RGS7: variants seen among roughly 807,000 people sequenced by gnomAD.
The protein encoded by RGS7 is regulator of G-protein signaling 7.
A neutral mutation model predicts 81.1 loss-of-function variants in RGS7; 27 were observed. The observed-to-expected ratio is 0.33, with a 90% CI of 0.25 to 0.46. RGS7 has a LOEUF of 0.46. RGS7 is among the 20% of genes least tolerant of loss of function. RGS7 has a pLI of 1.00. For synonymous variants in RGS7, 208 were observed against 207.7 expected, an observed-to-expected ratio of 1.00 and a Z score of -0.01; for missense variants, 396 against 607.4, an observed-to-expected ratio of 0.65 and a Z score of 3.66.
intron 3 of RGS7, among the ~76,000 whole-genome samples, chr1:241,055,427 A>G (rs189506346): frequency 1.3e-3 from 200 of 152,256 alleles, no homozygotes; most frequent in Non-Finnish European, 5.1e-4. Context: ...ATGGTCATTC[A>G]TTATTATAAA....
At chr1:241,314,957 T>C (rs2080774782) in intron 2 of RGS7, among the ~76,000 whole-genome samples, 1 of 152,014 alleles carries the variant, frequency 6.6e-6, no homozygotes, top group Admixed American at 6.6e-5. Context: ...TGGTTTAAAG[T>C]GAGTAGAGTC....
intron 9 of RGS7, among the ~76,000 whole-genome samples, chr1:240,866,955 CA>C (rs933875020): frequency 1.3e-5 from 2 of 152,028 alleles, no homozygotes; most frequent in African/African-American, 4.8e-5. Flanking sequence ...GTCCAGGGGA[CA>C]AAGTGGATAA....
chr1:241,202,258 C>T (rs1319655855), intron 2 of RGS7, among the ~76,000 whole-genome samples: 1 of 152,158 alleles, frequency 6.6e-6, no homozygotes, highest in Non-Finnish European at 1.5e-5. Context: ...GTAGCATTTA[C>T]TAGTCCAGAA....
chr1:241,130,168 T>G (rs7548582), intron 2 of RGS7, among the ~76,000 whole-genome samples: 17,784 of 151,946 alleles, frequency 0.12, 3,429 homozygotes, highest in African/African-American at 0.4. Flanking sequence ...TGGCTAACTT[T>G]AAAAAGGAGA....
At chr1:240,961,992 T>A (rs965026844) in intron 4 of RGS7, among the ~76,000 whole-genome samples, 2 of 152,080 alleles carry the variant, frequency 1.3e-5, no homozygotes, top group African/African-American at 4.8e-5. Context: ...GCCCTTAATT[T>A]TGCTACCTTC....
chr1:241,166,652 T>G (rs1227686523), intron 2 of RGS7, among the ~76,000 whole-genome samples: 1 of 152,196 alleles, frequency 6.6e-6, no homozygotes, highest in African/African-American at 2.4e-5. Context: ...AAGACTGTAC[T>G]ATCCAATAAA....
intron 14 of RGS7, among the ~76,000 whole-genome samples, chr1:240,807,957 C>A (rs1216172295): frequency 2.0e-5 from 3 of 151,322 alleles, no homozygotes; most frequent in South Asian, 2.1e-4. Flanking sequence ...ATCGCTTGAA[C>A]CCGGAAAGTG....
intron 2 of RGS7, among the ~76,000 whole-genome samples, chr1:241,342,523 T>C (rs915813269): frequency 3.9e-5 from 6 of 152,218 alleles, no homozygotes; most frequent in African/African-American, 1.4e-4. Flanking sequence ...CCTCAGCGGA[T>C]AGTGAGCTAA....
intron 2 of RGS7, among the ~76,000 whole-genome samples, chr1:241,238,966 CTT>C (rs66468032): frequency 4.8e-4 from 51 of 106,626 alleles, no homozygotes; most frequent in Admixed American, 1.3e-3. Context: ...GCCTCTCTCT[CTT>C]TTTTTTTTTT....
At chr1:240,870,236 C>G in intron 6 of RGS7, 117 bp from the exon 7 acceptor site, 4 of 846,818 alleles carry the variant, frequency 4.7e-6, no homozygotes, top group Non-Finnish European at 7.9e-6. Flanking sequence ...AATTTTTGAT[C>G]ATTTTCTTAG....
chr1:241,043,527 C>A (rs12060948), intron 3 of RGS7, among the ~76,000 whole-genome samples: 2 of 147,286 alleles, frequency 1.4e-5, no homozygotes, highest in Non-Finnish European at 3.0e-5. Context: ...GATATTAATA[C>A]ATATATAGAT....
chr1:240,995,701 G>A (rs925495205), intron 3 of RGS7, among the ~76,000 whole-genome samples: 2 of 101,596 alleles, frequency 2.0e-5, no homozygotes, highest in East Asian at 6.0e-4. Flanking sequence ...GGCAATTTGT[G>A]TCTTTTCTTT....
At chr1:241,049,603 T>C (rs751461665) in intron 3 of RGS7, among the ~76,000 whole-genome samples, 3 of 152,172 alleles carry the variant, frequency 2.0e-5, no homozygotes, top group Non-Finnish European at 4.4e-5. Flanking sequence ...CCCAATGTTG[T>C]AGGAGTCTCA....
chr1:241,081,862 T>G (rs977282025), intron 3 of RGS7, among the ~76,000 whole-genome samples: 3 of 152,226 alleles, frequency 2.0e-5, no homozygotes, highest in African/African-American at 7.2e-5. Context: ...TATTTACTGC[T>G]TTTGGCCACA....
intron 4 of RGS7, among the ~76,000 whole-genome samples, chr1:240,948,258 T>C (rs1401964268): frequency 6.6e-6 from 1 of 152,162 alleles, no homozygotes; most frequent in Non-Finnish European, 1.5e-5. Context: ...GTTTGCTTGG[T>C]TGGTTTTAGT....
chr1:241,106,755 C>T (rs1462493779), intron 2 of RGS7, among the ~76,000 whole-genome samples: 1 of 123,410 alleles, frequency 8.1e-6, no homozygotes, highest in East Asian at 2.1e-4. Flanking sequence ...ACCACCACCA[C>T]ACACACACAC....
At chr1:240,869,494 G>A (rs937333951) in intron 7 of RGS7, among the ~76,000 whole-genome samples, 1 of 152,184 alleles carries the variant, frequency 6.6e-6, no homozygotes, top group African/African-American at 2.4e-5. Flanking sequence ...CAGTTAAGTC[G>A]ATTTTAGAAA....
chr1:241,328,154 A>T (rs530644549), intron 2 of RGS7, among the ~76,000 whole-genome samples: 3 of 152,086 alleles, frequency 2.0e-5, no homozygotes, highest in East Asian at 3.9e-4. Flanking sequence ...AGGACTGTTT[A>T]AAAAAAAGGT....
intron 3 of RGS7, among the ~76,000 whole-genome samples, chr1:241,087,913 C>A (rs2148915273): frequency 6.6e-6 from 1 of 151,092 alleles, no homozygotes; most frequent in Middle Eastern, 3.5e-3. Context: ...CATGCAACTG[C>A]ACTCCAGCCT....
Sources: gnomAD v4.1 joint callset for allele counts (sites outside exome capture counted in the v4.1 genomes callset) on GRCh38, gnomAD v4.1.1 for gene constraint, MANE v1.5 for transcripts, NCBI Gene and HGNC (gene_info 2026-07-23, HGNC 2026-07-21) for gene names.